PPM1H: variants seen among roughly 807,000 people sequenced by gnomAD.
The protein encoded by PPM1H is protein phosphatase, Mg2+/Mn2+ dependent 1H, also known as protein phosphatase 1H.
In PPM1H, 27 loss-of-function variants were observed where a neutral mutation model predicts 54.9. The observed-to-expected ratio is 0.49, with a 90% CI of 0.36 to 0.68. The LOEUF is 0.68. Among genes scored for constraint, PPM1H ranks in the 30% least tolerant of loss-of-function variants. The pLI is 0.00. For missense variants in PPM1H, 596 were observed against 667.8 expected (o/e 0.89, Z 1.19); for synonymous variants, 305 against 270.8 (o/e 1.13, Z -1.24).
intron 6 of PPM1H, among the ~76,000 whole-genome samples, chr12:62,715,591 A>T (rs1387798591): frequency 6.6e-6 from 1 of 152,052 alleles, no homozygotes; most frequent in Non-Finnish European, 1.5e-5. Flanking sequence ...AAAAAAAAGG[A>T]TCCCCATTAA....
intron 7 of PPM1H, among the ~76,000 whole-genome samples, chr12:62,691,687 G>A (rs1261438809): frequency 5.9e-5 from 9 of 152,010 alleles, no homozygotes; most frequent in Non-Finnish European, 1.5e-5. Context: ...AGCCAGTGTG[G>A]TGGCATGCGC....
intron 2 of PPM1H, among the ~76,000 whole-genome samples, chr12:62,812,462 T>G (rs2076841600): frequency 6.6e-6 from 1 of 152,186 alleles, no homozygotes; most frequent in African/African-American, 2.4e-5. Context: ...TATAATTCAA[T>G]TTGGCAGAAA....
chr12:62,651,322 A>C (rs2075815121), intron 9 of PPM1H, among the ~76,000 whole-genome samples: 1 of 152,192 alleles, frequency 6.6e-6, no homozygotes, highest in African/African-American at 2.4e-5. Flanking sequence ...CAAAAAACAG[A>C]TACAGGAACT....
chr12:62,917,778 C>A (rs1871668769), intron 1 of PPM1H, among the ~76,000 whole-genome samples: 1 of 151,806 alleles, frequency 6.6e-6, no homozygotes, highest in South Asian at 2.1e-4. Flanking sequence ...GTGCTTGGTG[C>A]TCATTCTTCA....
intron 8 of PPM1H, among the ~76,000 whole-genome samples, chr12:62,686,038 G>A (rs77584737): frequency 5.9e-5 from 9 of 152,188 alleles, no homozygotes; most frequent in African/African-American, 9.7e-5. Context: ...GAGGTTGACA[G>A]TTTCATTCTA....
chr12:62,772,271 G>A (rs1414724412), intron 4 of PPM1H, among the ~76,000 whole-genome samples: 2 of 152,064 alleles, frequency 1.3e-5, no homozygotes, highest in Non-Finnish European at 2.9e-5. Context: ...ACTTTAGAAG[G>A]ATCCTCTACC....
intron 6 of PPM1H, among the ~76,000 whole-genome samples, chr12:62,704,022 A>G (rs1231707582): frequency 7.0e-6 from 1 of 143,452 alleles, no homozygotes; most frequent in Non-Finnish European, 1.5e-5. Flanking sequence ...GTGTCCTTTA[A>G]GGCAACACAA....
At chr12:62,771,768 A>C (rs1447940980) in intron 4 of PPM1H, among the ~76,000 whole-genome samples, 1 of 152,238 alleles carries the variant, frequency 6.6e-6, no homozygotes, top group Non-Finnish European at 1.5e-5. Flanking sequence ...CATAATGTTT[A>C]ATGCTTTTGC....
intron 4 of PPM1H, among the ~76,000 whole-genome samples, chr12:62,780,762 T>C (rs2076637076): frequency 6.6e-6 from 1 of 152,236 alleles, no homozygotes; most frequent in South Asian, 2.1e-4. Flanking sequence ...CATTAGATGA[T>C]CAGGCCCTGG....
At chr12:62,830,667 A>C (rs1868343525) in intron 2 of PPM1H, among the ~76,000 whole-genome samples, 2 of 152,202 alleles carry the variant, frequency 1.3e-5, no homozygotes, top group South Asian at 2.1e-4. Flanking sequence ...CTGGGCACTT[A>C]ACCATCACCA....
chr12:62,917,814 A>C (rs1871670121), intron 1 of PPM1H, among the ~76,000 whole-genome samples: 1 of 152,074 alleles, frequency 6.6e-6, no homozygotes, highest in Non-Finnish European at 1.5e-5. Context: ...GGAGAGCAGG[A>C]TACTGTCCTC....
intron 4 of PPM1H, among the ~76,000 whole-genome samples, chr12:62,768,114 T>C (rs186868785): frequency 8.9e-4 from 136 of 152,292 alleles, no homozygotes; most frequent in African/African-American, 3.2e-3. Flanking sequence ...GAGGTTTTCG[T>C]GGGTCATACA....
In PPM1H at chr12:62,668,585, C is replaced by A. The variant is rs1003495327; in HGVS notation, c.1246-1256G>T. On this transcript the variant is annotated intron_variant, in intron 8 of 9. Coordinates refer to ENST00000228705, the MANE Select transcript of PPM1H (RefSeq NM_020700.2). The stretch of plus-strand genomic sequence containing the variant: ...GAGATGGGGTTTTACCAGCTGGGTC[C>A]CAGCTGGTCTGGAACCCCTGGCTTC... Among the ~76,000 whole-genome samples, 3 of 152,260 alleles carry A rather than the reference C, an allele frequency of 2.0e-5. No individual in the cohort carries two copies. In the South Asian group the frequency reaches 6.2e-4, roughly 32 times the overall value.
chr12:62,652,336 C>A (rs1213222826), intron 9 of PPM1H, among the ~76,000 whole-genome samples: 1 of 152,108 alleles, frequency 6.6e-6, no homozygotes, highest in Non-Finnish European at 1.5e-5. Flanking sequence ...CCTCAGCTTC[C>A]CAAGTAGCTA....
intron 4 of PPM1H, among the ~76,000 whole-genome samples, chr12:62,765,638 C>T (rs547555119): frequency 7.1e-4 from 108 of 152,134 alleles, no homozygotes; most frequent in Non-Finnish European, 1.3e-3. Context: ...GAGAGAGACA[C>T]CCAGTTACAG....
intron 1 of PPM1H, among the ~76,000 whole-genome samples, chr12:62,931,856 G>C (rs891274943): frequency 2.0e-5 from 3 of 152,176 alleles, no homozygotes; most frequent in Admixed American, 2.0e-4. Flanking sequence ...TATTTAAGAA[G>C]AATGAGGTAA....
In PPM1H at chr12:62,667,314, G is replaced by T. The variant is rs1216905721; in HGVS notation, c.1261C>A (p.Leu421Ile). 1 of 1,597,536 alleles carries T rather than the reference G, an allele frequency of 6.3e-7. No individual in the cohort carries two copies. The highest frequency in any genetic ancestry group is 1.3e-5 in the African/African-American group (1 of 74,530). ...TCTGATCCATGATCATATTTTGAAA[G>T]ATCGTAGATTCTTACCTGAAAAAAA... is the stretch of plus-strand genomic sequence containing the variant. ...SSAPEVRIYD[L>I]SKYDHGSDDV... Residue 421 changes from leucine to isoleucine, a missense_variant, in exon 9 of 10, where the codon CTT (leucine) becomes ATT (isoleucine). By Grantham distance (5) the Leu-to-Ile change is conservative. This residue lies in a region of PPM1H where 208 missense variants were observed against 259.5 expected (regional missense o/e 0.80). Coordinates refer to ENST00000228705, the MANE Select transcript of PPM1H (RefSeq NM_020700.2).
At chr12:62,913,845 C>T (rs1341742787) in intron 1 of PPM1H, among the ~76,000 whole-genome samples, 5 of 152,024 alleles carry the variant, frequency 3.3e-5, no homozygotes, top group African/African-American at 1.2e-4. Context: ...GGATTATACG[C>T]ATGCGCCACC....
chr12:62,919,987 G>A (rs1309128213), intron 1 of PPM1H, among the ~76,000 whole-genome samples: 1 of 152,164 alleles, frequency 6.6e-6, no homozygotes, highest in Non-Finnish European at 1.5e-5. Flanking sequence ...ACCAGCTGCT[G>A]TAGTCAGAGT....
Sources: allele counts gnomAD v4.1 joint callset (sites outside exome capture counted in the v4.1 genomes callset), GRCh38; gene constraint gnomAD v4.1.1; regional missense constraint gnomAD v4.1.1; transcripts MANE v1.5; gene names NCBI Gene and HGNC (gene_info 2026-07-23, HGNC 2026-07-21).